MTX1: variants seen among roughly 807,000 people sequenced by gnomAD.
MTX1 encodes the protein metaxin-1.
A neutral mutation model predicts 39.4 loss-of-function variants in MTX1; 20 were observed. The ratio of observed to expected loss-of-function variants is 0.51; its 90% CI spans 0.36 to 0.74. MTX1 has a LOEUF of 0.74. Ranked by LOEUF, MTX1 falls within the 30% of genes least tolerant of loss-of-function variation. The probability of loss-of-function intolerance (pLI) is 0.00; values close to 1 mark genes in which losing one functional copy is unlikely to be tolerated. For missense variants in MTX1, 481 were observed against 485.9 expected, an observed-to-expected ratio of 0.99 and a Z score of 0.10; for synonymous variants, 209 against 198.6, an observed-to-expected ratio of 1.05 and a Z score of -0.44.
chr1:155,212,126 G>A lies in MTX1; in HGVS notation c.679-1G>A, dbSNP rs1671148440. 1 of 1,602,008 alleles carries A rather than the reference G, an allele frequency of 6.2e-7. No individual in the cohort carries two copies. Among genetic ancestry groups the A allele is most frequent in the African/African-American group, 1.3e-5 (1 of 74,630 alleles). On this transcript the variant is annotated splice_acceptor_variant, in intron 3 of 7. Transcript: ENST00000368376. LOFTEE classifies it high-confidence loss of function. ...CCACGCCATGGATATTTCCTCCACA[G>A]AAGTACAATGCTGATTATGATCTGT...
chr1:155,210,889 C>A, intron 3 of MTX1: 1 of 514,578 alleles, frequency 1.9e-6, no homozygotes, highest in Non-Finnish European at 3.5e-6. Context: ...CAGTTGGCCT[C>A]TGATGGTGGG....
chr1:155,209,144 C>G lies in MTX1; in HGVS notation c.340C>G (p.Pro114Ala), dbSNP rs1447109239. The G allele has an allele frequency of 2.0e-6, 3 of 1,529,526 alleles. No individual in the cohort carries two copies. The highest frequency in any genetic ancestry group is 1.2e-5 in the South Asian group (1 of 82,388). The allele number at this position is 1,529,526 out of a possible 1,614,324, so 94.7% of individuals were successfully genotyped here. The change falls in exon 1 of 8, where the codon CCA (proline) becomes GCA (alanine). Residue 114 changes from proline to alanine, a missense_variant. Physicochemically the swap from Pro to Ala is conservative, Grantham distance 27. Coordinates refer to ENST00000368376, the MANE Select transcript of MTX1 (RefSeq NM_002455.5). ...RRSLASPGIS[P>A]GPLTATIGGA... ...AAGCCTCGCCTCCCCGGGGATCTCCCCAGGCCCCCTGACCGCAACGATCGG... is the reference window on the plus strand; with the variant it reads ...AAGCCTCGCCTCCCCGGGGATCTCCGCAGGCCCCCTGACCGCAACGATCGG...
Position 155,209,206 on chromosome 1 carries a change from G to T in MTX1, c.402G>T (p.Arg134Ser), listed in dbSNP as rs1222983926. 4 of 1,463,652 alleles carry T rather than the reference G, an allele frequency of 2.7e-6. No individual in the cohort carries two copies. The South Asian group carries it at 4.2e-5, about 15-fold the overall frequency. The allele number at this position is 1,463,652 out of a possible 1,614,324, so 90.7% of individuals were successfully genotyped here. A position where few individuals can be genotyped will look rare whatever the true frequency, so the allele number is the denominator to read the frequency against. Residue 134 changes from arginine to serine, a missense_variant, in exon 1 of 8, where the codon AGG becomes AGT. Physicochemically the swap from Arg to Ser is moderately radical, Grantham distance 110 (BLOSUM62 -1). Around this residue, in one of 2 missense-constraint regions of MTX1, gnomAD observed 368 missense variants for 332.8 expected, o/e 1.11. Coordinates refer to ENST00000368376, the MANE Select transcript of MTX1 (RefSeq NM_002455.5). ...AVAGGGPRQG[R>S]AEAHKEVFPG... is the part of the protein sequence containing the mutation. ...CGGGGGGCGGGCCCAGGCAGGGGAG[G>T]GCAGAAGCACACAAGGAAGTGTTTC...
At position 155,208,948 on chromosome 1, in the gene MTX1, G is replaced by T. The variant is rs1391387157; in HGVS notation, c.144G>T (p.Ala48=). Residue 48 remains alanine (A), a synonymous_variant, in exon 1 of 8, where the codon GCG becomes GCT. Transcript: ENST00000368376. ...RTRPRSPEPA[A]PSGVRGSTWT... is the part of the protein sequence containing the mutation. The stretch of plus-strand genomic sequence containing the variant: ...GACCCCGCTCTCCAGAGCCTGCCGC[G>T]CCTTCAGGGGTTCGGGGCTCCACTT... 1.2e-6 allele frequency: 2 copies of T among 1,609,646 alleles called. No homozygotes were observed. Among genetic ancestry groups the T allele is most frequent in the Admixed American group, 3.4e-5 (2 of 59,688 alleles).
chr1:155,209,557 G>C (rs1315759738), intron 1 of MTX1, among the ~76,000 whole-genome samples: 2 of 152,218 alleles, frequency 1.3e-5, no homozygotes, highest in Non-Finnish European at 1.5e-5. Context: ...TCAGGTGATG[G>C]GTTCTAGTCC....
Position 155,208,714 on chromosome 1 carries a change from CT to C in MTX1, c.-90del. 3.0e-6 allele frequency: 4 copies of C among 1,327,122 alleles called. No homozygotes were observed. Among genetic ancestry groups the C allele is most frequent in the Non-Finnish European group, 4.0e-6 (4 of 1,007,014 alleles). The allele number at this position is 1,327,122 out of a possible 1,614,324, so 82.2% of individuals were successfully genotyped here. ...TCCCCCACCCAAGCCCCAGCCCGGC[CT>C]CCGCTCCGGCCGCCGCCACCGCCCC... On this transcript the variant is annotated 5_prime_UTR_variant, in exon 1 of 8. Coordinates refer to ENST00000368376, the MANE Select transcript of MTX1 (RefSeq NM_002455.5).
rs201939197 is a variant in MTX1 at position 155,212,435 on chromosome 1, G to A, written c.822G>A (p.Lys274=). 2 of 1,614,212 alleles carry A rather than the reference G, an allele frequency of 1.2e-6. No individual in the cohort carries two copies. Among genetic ancestry groups the A allele is most frequent in the Non-Finnish European group, 1.7e-6 (2 of 1,180,030 alleles). The change falls in exon 5 of 8, where the codon AAG becomes AAA. Residue 274 remains lysine, a synonymous_variant. Transcript: ENST00000368376. Reference sequence around the variant, plus strand: ...AGAACTACGTGGAAGTGACCCGGAAGTGGTATGCAGAGGCTATGCCCTTTC... The same window carrying A: ...AGAACTACGTGGAAGTGACCCGGAAATGGTATGCAGAGGCTATGCCCTTTC... The part of the protein sequence containing the change: ...DTKNYVEVTR[K]WYAEAMPFPL...
At chr1:155,209,405 A>G (rs1670993226) in intron 1 of MTX1, 73 bp downstream of exon 1, 1 of 1,339,982 alleles carries the variant, frequency 7.5e-7, no homozygotes, top group East Asian at 2.8e-5. Flanking sequence ...CAAGCATCCA[A>G]ACCTTGCCAG....
intron 1 of MTX1, 142 bp downstream of exon 1, chr1:155,209,474 G>A (rs1571944984): frequency 2.1e-6 from 2 of 950,660 alleles, no homozygotes; most frequent in Non-Finnish European, 2.8e-6. Context: ...GTACGTGGCC[G>A]ATATGGCCTC....
chr1:155,210,271 A>C (rs1671066484), intron 1 of MTX1, 75 bp from the exon 2 acceptor site: 1 of 1,301,070 alleles, frequency 7.7e-7, no homozygotes, highest in Non-Finnish European at 1.1e-6. Flanking sequence ...GTATTCAATA[A>C]ATGTTATTTC....
intron 3 of MTX1, chr1:155,210,926 T>C (rs1671112731): frequency 2.3e-6 from 1 of 433,948 alleles, no homozygotes; most frequent in Non-Finnish European, 4.2e-6. Context: ...TAAGGGCCAC[T>C]TCCTGTTTTC....
rs1197940220 is a variant in MTX1 at position 155,209,589 on chromosome 1, G to T, written c.528+257G>T. Among the ~76,000 whole-genome samples, 3 of 152,248 alleles carry T rather than the reference G, an allele frequency of 2.0e-5. No individual in the cohort carries two copies. The East Asian group carries it at 5.8e-4, about 29-fold the overall frequency. On this transcript the variant is annotated intron_variant, in intron 1 of 7. Transcript: ENST00000368376. ...GTCCTTGCTCATCCATTCACTGGCTGTGTGACCTTGCGGAGATCCTTTCTC... is the reference window on the plus strand; with the variant it reads ...GTCCTTGCTCATCCATTCACTGGCTTTGTGACCTTGCGGAGATCCTTTCTC...
chr1:155,209,170 A>AGGGGCGGTGGCGG lies in MTX1; in HGVS notation c.374_386dup (p.Pro130GlyfsTer106), dbSNP rs1182776269. Reference sequence around the variant, plus strand: ...CAGGCCCCCTGACCGCAACGATCGGAGGGGCGGTGGCGGGGGGCGGGCCCA... The same window carrying AGGGGCGGTGGCGG: ...CAGGCCCCCTGACCGCAACGATCGGAGGGGCGGTGGCGGGGGGCGGTGGCGGGGGGCGGGCCCA... On this transcript the variant is annotated frameshift_variant, in exon 1 of 8. Transcript: ENST00000368376. LOFTEE classifies it high-confidence loss of function. The AGGGGCGGTGGCGG allele has an allele frequency of 2.0e-6, 3 of 1,492,530 alleles. No homozygotes were observed. Among genetic ancestry groups the AGGGGCGGTGGCGG allele is most frequent in the South Asian group, 1.3e-5 (1 of 77,452 alleles). The allele number at this position is 1,492,530 out of a possible 1,614,324, so 92.5% of individuals were successfully genotyped here.
Position 155,210,725 on chromosome 1 carries a change from G to A in MTX1, c.678+98G>A. 8 of 1,133,454 alleles carry A rather than the reference G, an allele frequency of 7.1e-6. No homozygotes were observed. In the South Asian group the frequency reaches 1.0e-4, roughly 15 times the overall value. 70.2% of individuals were successfully genotyped at this position (1,133,454 alleles called of 1,614,324 possible). ...GCACCAGATATATGCCATGCTAGATGCAGGTGACCCAGAGCATCAAGGAGC... is the reference window on the plus strand; with the variant it reads ...GCACCAGATATATGCCATGCTAGATACAGGTGACCCAGAGCATCAAGGAGC... On this transcript the variant is annotated intron_variant, in intron 3 of 7. Transcript: ENST00000368376.
In MTX1 at chr1:155,213,591, G is replaced by A; in HGVS notation, c.1294G>A (p.Val432Met). 9.7e-6 allele frequency: 1 copy of A among 102,878 alleles called. No homozygotes were observed. Among genetic ancestry groups the A allele is most frequent in the Non-Finnish European group, 1.6e-5 (1 of 61,026 alleles). The allele number at this position is 102,878 out of a possible 1,614,324, so 6.4% of individuals were successfully genotyped here. ...TGTGCTGGCAGGACTGGCAGCCATGGTGGGCTACGCCTTGCTCAGCGGCAT... is the reference window on the plus strand; with the variant it reads ...TGTGCTGGCAGGACTGGCAGCCATGATGGGCTACGCCTTGCTCAGCGGCAT... ...LSVLAGLAAM[V>M]GYALLSGIVS... Residue 432 changes from valine (V) to methionine (M), a missense_variant, in exon 8 of 8, where the codon GTG (valine) becomes ATG (methionine). Around this residue, in one of 2 missense-constraint regions of MTX1, gnomAD observed 113 missense variants for 153.2 expected, o/e 0.74. Coordinates refer to ENST00000368376, the MANE Select transcript of MTX1 (RefSeq NM_002455.5).
At chr1:155,211,944 T>C in intron 3 of MTX1, 183 bp from the exon 4 acceptor site, 1 of 513,332 alleles carries the variant, frequency 1.9e-6, no homozygotes, top group Non-Finnish European at 3.4e-6. Context: ...GCCCAGGCTT[T>C]TCGCCAACAG....
chr1:155,209,567 C>G (rs1297832203), intron 1 of MTX1, among the ~76,000 whole-genome samples: 1 of 152,240 alleles, frequency 6.6e-6, no homozygotes, highest in Non-Finnish European at 1.5e-5. Context: ...GGTTCTAGTC[C>G]TTGCTCATCC....
At position 155,209,212 on chromosome 1, in the gene MTX1, A is replaced by G. The variant is rs1174982467; in HGVS notation, c.408A>G (p.Glu136=). The change falls in exon 1 of 8, where the codon GAA becomes GAG. Residue 136 remains glutamate, a synonymous_variant. Transcript: ENST00000368376. ...GCGGGCCCAGGCAGGGGAGGGCAGA[A>G]GCACACAAGGAAGTGTTTCCGGGAC... ...AGGGPRQGRA[E]AHKEVFPGQR... is the part of the protein sequence containing the mutation. 2.1e-6 allele frequency: 3 copies of G among 1,461,152 alleles called. No homozygotes were observed. The highest frequency in any genetic ancestry group is 2.9e-5 in the African/African-American group (2 of 69,422). 90.5% of individuals were successfully genotyped at this position (1,461,152 alleles called of 1,614,324 possible). A position where few individuals can be genotyped will look rare whatever the true frequency, so the allele number is the denominator to read the frequency against.
chr1:155,208,776 C>A lies in MTX1; in HGVS notation c.-29C>A, dbSNP rs754450710. On this transcript the variant is annotated 5_prime_UTR_variant, in exon 1 of 8. Transcript: ENST00000368376. ...CCATGGCGACAGGCGGCGCAGGGCC[C>A]GCTCCAAACATAACGCGCTGTGGAA... 4.1e-6 allele frequency: 6 copies of A among 1,472,206 alleles called. No individual in the cohort carries two copies. The East Asian group carries it at 7.7e-5, about 19-fold the overall frequency. The allele number at this position is 1,472,206 out of a possible 1,614,324, so 91.2% of individuals were successfully genotyped here. A position where few individuals can be genotyped will look rare whatever the true frequency, so the allele number is the denominator to read the frequency against.
Sources: allele counts gnomAD v4.1 joint callset (sites outside exome capture counted in the v4.1 genomes callset), GRCh38; gene constraint gnomAD v4.1.1; regional missense constraint gnomAD v4.1.1; transcripts MANE v1.5; gene names NCBI Gene and HGNC (gene_info 2026-07-23, HGNC 2026-07-21).